Variants in SEL1L3 observed in about 807,000 individuals in gnomAD.
SEL1L3 encodes the protein protein sel-1 homolog 3.
Under a neutral mutation model 142.8 loss-of-function variants are expected in SEL1L3, and 76 were observed. The ratio of observed to expected loss-of-function variants is 0.53; its 90% CI spans 0.44 to 0.64. SEL1L3 has a LOEUF of 0.64. Ranked by LOEUF, SEL1L3 falls within the 30% of genes least tolerant of loss-of-function variation. SEL1L3 has a pLI of 0.00. For synonymous variants in SEL1L3, 504 were observed against 519.6 expected, an observed-to-expected ratio of 0.97 and a Z score of 0.41; for missense variants, 1,262 against 1,381.7, an observed-to-expected ratio of 0.91 and a Z score of 1.37.
rs1553877588 is a variant in SEL1L3, at chr4:25,846,933, AAG to A, written c.733+359_733+360del. Among the ~76,000 whole-genome samples, 9 of 151,148 alleles carry A rather than the reference AAG, an allele frequency of 6.0e-5. No individual in the cohort carries two copies. In the East Asian group the frequency reaches 1.8e-3, roughly 30 times the overall value. ...ATCTCAAAAAAAAAAAAAAAAAAAA[AAG>A]AGGAAACTTTAGCAGGCTTGTTGGA... On this transcript the variant is annotated intron_variant, in intron 2 of 23. Coordinates refer to ENST00000399878, the MANE Select transcript of SEL1L3 (RefSeq NM_015187.5).
chr4:25,748,390 TTCTC>T lies in SEL1L3; in HGVS notation c.*31_*34del. ...TTCCCAATACCAGCTGTTGAAAAGA[TTCTC>T]TCTCATCTGGAGAGAACTGGAGTGC... On this transcript the variant is annotated 3_prime_UTR_variant, in exon 24 of 24. Coordinates refer to ENST00000399878, the MANE Select transcript of SEL1L3 (RefSeq NM_015187.5). 2 of 1,575,982 alleles carry T rather than the reference TTCTC, an allele frequency of 1.3e-6. No individual in the cohort carries two copies. Among genetic ancestry groups the T allele is most frequent in the African/African-American group, 1.3e-5 (1 of 74,306 alleles).
At chr4:25,795,868 A>G (rs887732494) in intron 11 of SEL1L3, among the ~76,000 whole-genome samples, 7 of 152,090 alleles carry the variant, frequency 4.6e-5, no homozygotes, top group Admixed American at 1.3e-4. Context: ...TCAGTTGTCC[A>G]TTCATTCAAA....
At position 25,802,299 on chromosome 4, in the gene SEL1L3, G is replaced by A. The variant is rs758750706; in HGVS notation, c.1940C>T (p.Thr647Ile). 3.7e-6 allele frequency: 6 copies of A among 1,613,136 alleles called. No individual in the cohort carries two copies. The South Asian group carries it at 6.6e-5, about 18-fold the overall frequency. The change falls in exon 11 of 24, where the codon ACA (threonine) becomes ATA (isoleucine). Residue 647 changes from threonine (T) to isoleucine (I), a missense_variant. By Grantham distance (89) the Thr-to-Ile change is moderately conservative. Transcript: ENST00000399878. ...IATKTPLDQH[T>I]LQGDQAYVET... ...CTCTCATACCTGATCTCCTTGCAGT[G>A]TGTGCTGGTCAAGGGGTGTCTTGGT...
chr4:25,777,231 C>A (rs892020448), intron 16 of SEL1L3, among the ~76,000 whole-genome samples: 2 of 151,862 alleles, frequency 1.3e-5, no homozygotes, highest in African/African-American at 2.4e-5. Flanking sequence ...AAGGCAAGAA[C>A]CATCAACAGA....
chr4:25,831,220 A>G (rs1715415050), intron 5 of SEL1L3, among the ~76,000 whole-genome samples: 1 of 151,792 alleles, frequency 6.6e-6, no homozygotes, highest in Admixed American at 6.6e-5. Flanking sequence ...TGATGTCTAA[A>G]CTCCCTGATA....
intron 23 of SEL1L3, among the ~76,000 whole-genome samples, chr4:25,752,581 C>T (rs1290503925): frequency 6.6e-6 from 1 of 152,098 alleles, no homozygotes; most frequent in Non-Finnish European, 1.5e-5. Context: ...TCCAGTGCCC[C>T]AGAGGACATA....
chr4:25,718,586 G>A, the SEL1L3 span: 5 of 152,156 alleles, frequency 3.3e-5, no homozygotes, highest in Non-Finnish European at 5.9e-5. Flanking sequence ...CGGAGGAGTA[G>A]CCAATACGTG....
chr4:25,807,981 T>C (rs992225176), intron 9 of SEL1L3, among the ~76,000 whole-genome samples: 6 of 152,176 alleles, frequency 3.9e-5, no homozygotes, highest in African/African-American at 1.4e-4. Flanking sequence ...TCTGCAGTAG[T>C]AAATATAAAT....
chr4:25,862,448 G>A (rs919964247), intron 1 of SEL1L3, among the ~76,000 whole-genome samples: 1 of 152,248 alleles, frequency 6.6e-6, no homozygotes, highest in East Asian at 1.9e-4. Context: ...GGAGGGAAAG[G>A]AATGAGCACG....
At chr4:25,735,605 T>G in the SEL1L3 span, among the ~76,000 whole-genome samples, 5 of 151,898 alleles carry the variant, frequency 3.3e-5, no homozygotes, top group South Asian at 1.0e-3. Context: ...TGGTGGACGT[T>G]GTATCATTGA....
chr4:25,765,977 A>G (rs1174673375), intron 19 of SEL1L3, among the ~76,000 whole-genome samples: 1 of 152,164 alleles, frequency 6.6e-6, no homozygotes, highest in Non-Finnish European at 1.5e-5. Flanking sequence ...GCTCTCCTGA[A>G]TAGCTAAATC....
In SEL1L3 at chr4:25,853,296, C is replaced by T. The variant is rs118000420; in HGVS notation, c.163-5432G>A. ...TATACACATTTCACCGTGTACTCTC[C>T]ACAGAGCCGTCCCTTCAAATTCTGT... On this transcript the variant is annotated intron_variant, in intron 1 of 23. Transcript: ENST00000399878. Among the ~76,000 whole-genome samples, 37 of 152,302 alleles carry T rather than the reference C, an allele frequency of 2.4e-4. No homozygotes were observed. In the East Asian group the frequency reaches 6.2e-3, roughly 25 times the overall value.
rs140731873 is a variant in SEL1L3, at chr4:25,752,904, C to T, written c.3260-4340G>A. Among the ~76,000 whole-genome samples the T allele has an allele frequency of 7.8e-3, 1,189 of 152,370 alleles. 20 individuals are homozygous for T. Among genetic ancestry groups the T allele is most frequent in the African/African-American group, 0.027 (1,112 of 41,592 alleles). ...CCAAAGTGCTAGGCGTGAGCCACTG[C>T]GCCCAGCCCATTTGTGGAGTTTTAA... On this transcript the variant is annotated intron_variant, in intron 23 of 23. Coordinates refer to ENST00000399878, the MANE Select transcript of SEL1L3 (RefSeq NM_015187.5).
chr4:25,850,357 G>C (rs1716801426), intron 1 of SEL1L3, among the ~76,000 whole-genome samples: 1 of 152,096 alleles, frequency 6.6e-6, no homozygotes, highest in South Asian at 2.1e-4. Context: ...CTCATTCATA[G>C]TAAGATAAAT....
intron 5 of SEL1L3, among the ~76,000 whole-genome samples, chr4:25,831,411 A>AGGG: frequency 6.6e-6 from 1 of 151,236 alleles, no homozygotes; most frequent in Non-Finnish European, 1.5e-5. Flanking sequence ...TTCTCATGAT[A>AGGG]CCTCCCCTAA....
rs369382581 is a variant in SEL1L3 at position 25,765,313 on chromosome 4, G to A, written c.2955+13C>T. On this transcript the variant is annotated intron_variant, in intron 20 of 23. Coordinates refer to ENST00000399878, the MANE Select transcript of SEL1L3 (RefSeq NM_015187.5). ...CCGGCCAAGAGCTGGTTTTTGTTGC[G>A]GTTGCTGTTTACCTGGGAGTCTCCA... 1.5e-4 allele frequency: 228 copies of A among 1,564,228 alleles called. No homozygotes were observed. The East Asian group carries it at 1.5e-3, about 10-fold the overall frequency.
At chr4:25,810,234 T>C (rs1365800168) in intron 9 of SEL1L3, among the ~76,000 whole-genome samples, 1 of 152,184 alleles carries the variant, frequency 6.6e-6, no homozygotes, top group Admixed American at 6.5e-5. Context: ...GGCCTGGCCT[T>C]AGGGCAGATG....
At chr4:25,855,712 G>C (rs1456386361) in intron 1 of SEL1L3, among the ~76,000 whole-genome samples, 1 of 152,064 alleles carries the variant, frequency 6.6e-6, no homozygotes, top group East Asian at 1.9e-4. Flanking sequence ...AGTGAGCCGA[G>C]ATTGTGCCAC....
At chr4:25,857,625 T>A (rs1474426482) in intron 1 of SEL1L3, among the ~76,000 whole-genome samples, 1 of 152,058 alleles carries the variant, frequency 6.6e-6, no homozygotes, top group Non-Finnish European at 1.5e-5. Context: ...TCAGAGAGGG[T>A]AAGTAACTTG....
Sources: allele counts gnomAD v4.1 joint callset (sites outside exome capture counted in the v4.1 genomes callset), GRCh38; gene constraint gnomAD v4.1.1; transcripts MANE v1.5; gene names NCBI Gene and HGNC (gene_info 2026-07-23, HGNC 2026-07-21).